Variants in LOC128125822 observed in about 807,000 individuals in gnomAD.
At chr6:63,572,763 G>C in the LOC128125822 span, 1 of 398,350 alleles carries the variant, frequency 2.5e-6, no homozygotes. Flanking sequence ...GGGAATCCAC[G>C]ACCGGCCCCC....
the LOC128125822 span, among the ~76,000 whole-genome samples, chr6:63,574,073 G>T: frequency 6.6e-6 from 1 of 152,100 alleles, no homozygotes; most frequent in African/African-American, 2.4e-5. Flanking sequence ...CTGTTGACCT[G>T]CCCGACATCT....
the LOC128125822 span, chr6:63,576,981 T>G: frequency 6.2e-7 from 1 of 1,606,050 alleles, no homozygotes; most frequent in Non-Finnish European, 8.5e-7. Context: ...AACAAATTTA[T>G]AGAGGTAAGA....
chr6:63,580,728 A>ATT, the LOC128125822 span: 145 of 141,084 alleles, frequency 1.0e-3, no homozygotes, highest in Non-Finnish European at 1.6e-3. Context: ...TTAACCATTG[A>ATT]TTTTTTTTTT....
chr6:63,581,994 A>G, the LOC128125822 span: 1 of 152,186 alleles, frequency 6.6e-6, no homozygotes, highest in African/African-American at 2.4e-5. Context: ...AAGTTTAAGT[A>G]AAAAGTGATA....
the LOC128125822 span, chr6:63,581,853 AT>A: frequency 6.6e-6 from 1 of 152,154 alleles, no homozygotes; most frequent in African/African-American, 2.4e-5. Flanking sequence ...AAATATTAGT[AT>A]TTGGTACATG....
At chr6:63,575,979 A>G in the LOC128125822 span, among the ~76,000 whole-genome samples, 7 of 151,946 alleles carry the variant, frequency 4.6e-5, no homozygotes, top group African/African-American at 1.7e-4. Flanking sequence ...AGTTTGTATT[A>G]ATGTGTAAAA....
chr6:63,572,866 T>C, the LOC128125822 span: 1 of 391,890 alleles, frequency 2.6e-6, no homozygotes, highest in African/African-American at 2.1e-5. Context: ...AGCGGGCGGG[T>C]TATGGCCCTG....
At chr6:63,578,775 T>A in the LOC128125822 span, 12 of 1,175,828 alleles carry the variant, frequency 1.0e-5, no homozygotes, top group Middle Eastern at 5.9e-4. Context: ...CAGGGTTTAA[T>A]AAGATTTGAT....
At chr6:63,579,475 C>T in the LOC128125822 span, 1 of 565,804 alleles carries the variant, frequency 1.8e-6, no homozygotes, top group Non-Finnish European at 2.9e-6. Flanking sequence ...ATCTTACATT[C>T]TTTTTTGCAT....
chr6:63,577,117 T>A, the LOC128125822 span: 1 of 683,656 alleles, frequency 1.5e-6, no homozygotes. Flanking sequence ...GAAATAAATG[T>A]CAATGTCTTC....
chr6:63,575,837 T>G, the LOC128125822 span, among the ~76,000 whole-genome samples: 8 of 152,060 alleles, frequency 5.3e-5, no homozygotes, highest in Non-Finnish European at 1.0e-4. Flanking sequence ...AAGGATAAAG[T>G]GAGATTCTAA....
chr6:63,581,453 A>G, the LOC128125822 span: 3 of 152,606 alleles, frequency 2.0e-5, no homozygotes, highest in Admixed American at 2.0e-4. Context: ...TGCATTTATC[A>G]TCATTGAGAT....
chr6:63,573,044 C>T, the LOC128125822 span, among the ~76,000 whole-genome samples: 12 of 152,110 alleles, frequency 7.9e-5, no homozygotes, highest in African/African-American at 2.9e-4. Flanking sequence ...TTTCGGCTTC[C>T]GCAGCGGGCC....
the LOC128125822 span, chr6:63,583,411 G>A: frequency 5.9e-5 from 9 of 152,130 alleles, no homozygotes; most frequent in African/African-American, 9.7e-5. Flanking sequence ...TCTCCATTAC[G>A]TTTGGGGTAA....
At chr6:63,575,717 T>C in the LOC128125822 span, among the ~76,000 whole-genome samples, 1 of 152,322 alleles carries the variant, frequency 6.6e-6, no homozygotes, top group South Asian at 2.1e-4. Flanking sequence ...GAGAGTTGTT[T>C]CCTTTTTAGA....
At chr6:63,573,584 C>T in the LOC128125822 span, 2 of 152,256 alleles carry the variant, frequency 1.3e-5, no homozygotes, top group Non-Finnish European at 2.9e-5. Flanking sequence ...GAGCTGCACC[C>T]CTGCCCGGGC....
the LOC128125822 span, chr6:63,579,145 T>TTAA: frequency 7.3e-7 from 1 of 1,378,758 alleles, no homozygotes; most frequent in African/African-American, 1.5e-5. Context: ...TAGGTATTAC[T>TTAA]TAAATAGGAA....
At chr6:63,577,292 T>A in the LOC128125822 span, among the ~76,000 whole-genome samples, 37 of 152,310 alleles carry the variant, frequency 2.4e-4, no homozygotes, top group Admixed American at 4.6e-4. Context: ...ATGGATTTTT[T>A]ATATATCTGC....
chr6:63,579,568 T>C, the LOC128125822 span, among the ~76,000 whole-genome samples: 17 of 152,248 alleles, frequency 1.1e-4, no homozygotes, highest in Non-Finnish European at 5.9e-5. Flanking sequence ...CTTGATTGAA[T>C]ATGTTGGTTA....
Sources: allele counts gnomAD v4.1 joint callset (sites outside exome capture counted in the v4.1 genomes callset), GRCh38; gene constraint gnomAD v4.1.1; transcripts MANE v1.5.